Variants in NTM observed in about 807,000 individuals in gnomAD.
NTM encodes the protein neurotrimin.
A neutral mutation model predicts 42.1 loss-of-function variants in NTM; 13 were observed. The observed-to-expected ratio is 0.31, with a 90% CI of 0.20 to 0.49. NTM has a LOEUF of 0.49. NTM is among the 20% of genes least tolerant of loss of function. NTM has a pLI of 0.99. For missense variants in NTM, 373 were observed against 452.8 expected (o/e 0.82, Z 1.60); for synonymous variants, 187 against 179.2 (o/e 1.04, Z -0.35).
At chr11:132,320,327 C>A (rs931115831) in intron 7 of NTM, among the ~76,000 whole-genome samples, 5 of 152,192 alleles carry the variant, frequency 3.3e-5, no homozygotes, top group African/African-American at 4.8e-5. Context: ...ACGCACCATG[C>A]GCGAGCCAAA....
intron 2 of NTM, among the ~76,000 whole-genome samples, chr11:131,971,750 G>A (rs116374408): frequency 0.1 from 15,172 of 148,268 alleles, 794 homozygotes; most frequent in East Asian, 0.2. Flanking sequence ...ACAAAAAAAA[G>A]AAAAAAAAAA....
chr11:132,292,800 A>AC (rs1444640852), intron 4 of NTM, among the ~76,000 whole-genome samples: 1 of 150,880 alleles, frequency 6.6e-6, no homozygotes, highest in Non-Finnish European at 1.5e-5. Flanking sequence ...AAAAAAAAAA[A>AC]AAAAAAAAAA....
At chr11:132,076,728 C>T (rs1401858359) in intron 2 of NTM, among the ~76,000 whole-genome samples, 1 of 152,094 alleles carries the variant, frequency 6.6e-6, no homozygotes, top group African/African-American at 2.4e-5. Context: ...CTCTCAACCT[C>T]ATTTTTTCTA....
chr11:131,599,036 C>T (rs1177878622), intron 1 of NTM, among the ~76,000 whole-genome samples: 1 of 151,842 alleles, frequency 6.6e-6, no homozygotes, highest in Non-Finnish European at 1.5e-5. Flanking sequence ...GCCTCAGCCT[C>T]CCCTAGTAGC....
At chr11:131,616,559 G>C (rs545870182) in intron 1 of NTM, among the ~76,000 whole-genome samples, 4 of 152,248 alleles carry the variant, frequency 2.6e-5, no homozygotes, top group African/African-American at 9.6e-5. Context: ...TTTAGCAATG[G>C]CCTAGTGACT....
chr11:131,639,991 A>G (rs2064933587), intron 1 of NTM, among the ~76,000 whole-genome samples: 1 of 149,828 alleles, frequency 6.7e-6, no homozygotes, highest in African/African-American at 2.5e-5. Context: ...TAAAATAAAA[A>G]TAAATAAATA....
chr11:131,798,101 G>A (rs184836003), intron 1 of NTM, among the ~76,000 whole-genome samples: 1 of 152,202 alleles, frequency 6.6e-6, no homozygotes, highest in Non-Finnish European at 1.5e-5. Context: ...AATTAGCCAA[G>A]CATGTTGATA....
chr11:131,745,556 C>T (rs1225791524), intron 1 of NTM, among the ~76,000 whole-genome samples: 1 of 152,158 alleles, frequency 6.6e-6, no homozygotes, highest in East Asian at 1.9e-4. Flanking sequence ...ATTACTAGAA[C>T]AAGGGGTCAG....
intron 1 of NTM, among the ~76,000 whole-genome samples, chr11:131,703,368 T>G (rs1425352659): frequency 6.6e-6 from 1 of 152,238 alleles, no homozygotes; most frequent in African/African-American, 2.4e-5. Flanking sequence ...TTCAATTAAA[T>G]GTTTTTAAAA....
intron 1 of NTM, among the ~76,000 whole-genome samples, chr11:131,555,954 T>C (rs548255780): frequency 6.6e-6 from 1 of 152,288 alleles, no homozygotes; most frequent in East Asian, 1.9e-4. Context: ...CCAACGGTGC[T>C]GCCCTTGTTT....
At chr11:132,168,449 A>G (rs989043266) in intron 3 of NTM, among the ~76,000 whole-genome samples, 1 of 152,132 alleles carries the variant, frequency 6.6e-6, no homozygotes, top group African/African-American at 2.4e-5. Flanking sequence ...ATGGCCAGCA[A>G]GCCCACAAGA....
At chr11:131,666,436 A>C (rs2069060234) in intron 1 of NTM, among the ~76,000 whole-genome samples, 1 of 152,198 alleles carries the variant, frequency 6.6e-6, no homozygotes, top group African/African-American at 2.4e-5. Flanking sequence ...ATCATTGACC[A>C]TAATATACCA....
chr11:132,053,562 G>A (rs2079161034), intron 2 of NTM, among the ~76,000 whole-genome samples: 1 of 152,146 alleles, frequency 6.6e-6, no homozygotes, highest in South Asian at 2.1e-4. Context: ...CCTTGGATTG[G>A]GGAATGTAGA....
At chr11:132,262,723 T>G (rs945658448) in intron 4 of NTM, among the ~76,000 whole-genome samples, 3 of 152,178 alleles carry the variant, frequency 2.0e-5, no homozygotes, top group African/African-American at 7.2e-5. Flanking sequence ...CACAAACATC[T>G]ACTCCATAGC....
intron 1 of NTM, among the ~76,000 whole-genome samples, chr11:131,630,457 T>TA (rs1592286224): frequency 2.4e-5 from 1 of 41,196 alleles, no homozygotes; most frequent in East Asian, 6.2e-4. Context: ...TCTCAGTGTT[T>TA]CTTTTTTGCA....
At chr11:132,016,883 T>C (rs1047998959) in intron 2 of NTM, among the ~76,000 whole-genome samples, 1 of 151,984 alleles carries the variant, frequency 6.6e-6, no homozygotes. Flanking sequence ...ATTTGCATTC[T>C]GTTAATGATG....
chr11:132,165,643 G>A (rs1025158530), intron 3 of NTM, among the ~76,000 whole-genome samples: 1 of 152,090 alleles, frequency 6.6e-6, no homozygotes, highest in South Asian at 2.1e-4. Context: ...GCTCAGGGGG[G>A]GTTTAGTCTT....
At chr11:131,753,299 T>G (rs1317571032) in intron 1 of NTM, among the ~76,000 whole-genome samples, 2 of 151,912 alleles carry the variant, frequency 1.3e-5, no homozygotes, top group East Asian at 3.9e-4. Flanking sequence ...GGTGGGACTG[T>G]AAACTAGTTC....
At chr11:131,726,634 T>G (rs998731191) in intron 1 of NTM, among the ~76,000 whole-genome samples, 2 of 151,290 alleles carry the variant, frequency 1.3e-5, no homozygotes, top group Non-Finnish European at 2.9e-5. Context: ...CCTTGTTGGC[T>G]CCTCTTCCCA....
Sources: gnomAD v4.1 joint callset for allele counts (sites outside exome capture counted in the v4.1 genomes callset) on GRCh38, gnomAD v4.1.1 for gene constraint, MANE v1.5 for transcripts, NCBI Gene and HGNC (gene_info 2026-07-23, HGNC 2026-07-21) for gene names.